Variants in DNAH14 observed in about 807,000 individuals in gnomAD.
The protein encoded by DNAH14 is dynein axonemal heavy chain 14.
A neutral mutation model predicts 520.9 loss-of-function variants in DNAH14; 478 were observed. The ratio of observed to expected loss-of-function variants is 0.92; its 90% CI spans 0.85 to 0.99. DNAH14 has a LOEUF of 0.99. Ranked by LOEUF, DNAH14 falls within the 50% of genes least tolerant of loss-of-function variation. DNAH14 has a pLI of 0.00. For missense variants in DNAH14, 4,831 were observed against 5,234.5 expected, an observed-to-expected ratio of 0.92 and a Z score of 2.38; for synonymous variants, 1,581 against 1,757.2, an observed-to-expected ratio of 0.90 and a Z score of 2.51.
chr1:225,002,149 C>G (rs769938751), intron 8 of DNAH14, among the ~76,000 whole-genome samples: 17 of 152,140 alleles, frequency 1.1e-4, no homozygotes, highest in South Asian at 4.1e-4. Flanking sequence ...TCTCCACACA[C>G]TGTTGCACAG....
chr1:225,322,368 C>T (rs1423644910), intron 61 of DNAH14, among the ~76,000 whole-genome samples: 1 of 152,106 alleles, frequency 6.6e-6, no homozygotes, highest in Non-Finnish European at 1.5e-5. Flanking sequence ...GGATTACAGG[C>T]ATGAGCCACC....
chr1:225,298,765 G>A (rs550992314), intron 55 of DNAH14, among the ~76,000 whole-genome samples: 1 of 152,306 alleles, frequency 6.6e-6, no homozygotes, highest in Admixed American at 6.5e-5. Flanking sequence ...GAGCAATGCA[G>A]CTGCATGAAT....
chr1:225,051,665 G>T lies in DNAH14; in HGVS notation c.2294G>T (p.Arg765Leu). Residue 765 changes from arginine (R) to leucine (L), a missense_variant, in exon 17 of 86, where the codon CGT becomes CTT. Arg to Leu is a moderately radical substitution (Grantham distance 102). Coordinates refer to ENST00000682510, the MANE Select transcript of DNAH14 (RefSeq NM_001367479.1). ...ATTGTGAATATGGCCATTGAGAAGC[G>T]TATTGGTATTTTCAACGTTGTAAGT... ...RHIVNMAIEK[R>L]IGIFNVVSLD... 6.4e-7 allele frequency: 1 copy of T among 1,550,962 alleles called. No individual in the cohort carries two copies. Among genetic ancestry groups the T allele is most frequent in the Middle Eastern group, 1.7e-4 (1 of 5,980 alleles).
rs369428071 is a variant in DNAH14 at position 225,380,423 on chromosome 1, G to A, written c.12880+101G>A. On this transcript the variant is annotated intron_variant, in intron 80 of 85. Coordinates refer to ENST00000682510, the MANE Select transcript of DNAH14 (RefSeq NM_001367479.1). Reference sequence around the variant, plus strand: ...AAGATAAGACAAAAATTCTGTAGAAGTGAAAATACTGAGATAAGATGGAAA... The same window carrying A: ...AAGATAAGACAAAAATTCTGTAGAAATGAAAATACTGAGATAAGATGGAAA... 444 of 1,292,430 alleles carry A rather than the reference G, an allele frequency of 3.4e-4. 2 individuals carry two copies. The East Asian group carries it at 0.011, about 32-fold the overall frequency. The allele number at this position is 1,292,430 out of a possible 1,614,324, so 80.1% of individuals were successfully genotyped here. A position where few individuals can be genotyped will look rare whatever the true frequency, so the allele number is the denominator to read the frequency against.
intron 55 of DNAH14, among the ~76,000 whole-genome samples, chr1:225,290,505 C>T (rs2093843389): frequency 6.6e-6 from 1 of 151,196 alleles, no homozygotes; most frequent in Non-Finnish European, 1.5e-5. Context: ...AGCATCCAGG[C>T]TTCTGTTTCT....
intron 42 of DNAH14, among the ~76,000 whole-genome samples, chr1:225,236,721 G>C (rs1400105659): frequency 2.6e-5 from 4 of 152,144 alleles, no homozygotes; most frequent in Non-Finnish European, 4.4e-5. Flanking sequence ...GTCAATGGTA[G>C]TTTAATAGGA....
chr1:225,057,941 T>C (rs1264865355), intron 17 of DNAH14, among the ~76,000 whole-genome samples: 1 of 152,224 alleles, frequency 6.6e-6, no homozygotes, highest in Non-Finnish European at 1.5e-5. Flanking sequence ...CAGTATTTTA[T>C]TGAGGATTTT....
intron 84 of DNAH14, among the ~76,000 whole-genome samples, chr1:225,392,767 A>T (rs1367837228): frequency 6.6e-6 from 1 of 152,228 alleles, no homozygotes; most frequent in African/African-American, 2.4e-5. Flanking sequence ...TGATATTTTA[A>T]ATCAGTGGGC....
In DNAH14 at chr1:225,043,076, C is replaced by A. The variant is rs1349505620; in HGVS notation, c.1730C>A (p.Ser577Ter). 2 of 1,550,898 alleles carry A rather than the reference C, an allele frequency of 1.3e-6. No homozygotes were observed. Among genetic ancestry groups the A allele is most frequent in the Admixed American group, 3.9e-5 (2 of 50,860 alleles). ...GAATTGCTCCCAAAAGCCAAGAAAT[C>A]AAAAGAAATTAGTTACAATCTTGAA... ...SEELLPKAKK[S>*]KEISYNLEDI... Residue 577 changes from serine to a stop codon, truncating the protein, a stop_gained, in exon 13 of 86, where the codon TCA (serine) becomes TAA (stop). Coordinates refer to ENST00000682510, the MANE Select transcript of DNAH14 (RefSeq NM_001367479.1). LOFTEE classifies it high-confidence loss of function.
chr1:225,134,342 G>A (rs1348342518), intron 27 of DNAH14, among the ~76,000 whole-genome samples: 1 of 152,108 alleles, frequency 6.6e-6, no homozygotes, highest in Non-Finnish European at 1.5e-5. Flanking sequence ...TTCCCATTTA[G>A]TATGATATTG....
intron 17 of DNAH14, among the ~76,000 whole-genome samples, chr1:225,057,819 G>A (rs558826120): frequency 1.3e-5 from 2 of 152,286 alleles, no homozygotes; most frequent in East Asian, 3.9e-4. Flanking sequence ...CTGTTTATAT[G>A]CTGGATTACG....
At position 225,231,065 on chromosome 1, in the gene DNAH14, T is replaced by C. The variant is rs1380333998; in HGVS notation, c.6440-8T>C. On this transcript the variant is annotated splice_polypyrimidine_tract_variant and splice_region_variant and intron_variant, in intron 41 of 85. Coordinates refer to ENST00000682510, the MANE Select transcript of DNAH14 (RefSeq NM_001367479.1). Reference sequence around the variant, plus strand: ...TTAATTATGGAAAAATACTCTTTCCTTTTTAAGGTGATGATTTGAATGACA... The same window carrying C: ...TTAATTATGGAAAAATACTCTTTCCCTTTTAAGGTGATGATTTGAATGACA... The C allele has an allele frequency of 6.5e-7, 1 of 1,543,558 alleles. No homozygotes were observed. The highest frequency in any genetic ancestry group is 2.0e-5 in the Admixed American group (1 of 49,784).
Position 225,381,438 on chromosome 1 carries a change from ACG to A in DNAH14, c.12937_12938del (p.Arg4313IlefsTer2). ...TAACCTTTTTGAAGCAAGAAATTAA[ACG>A]ATTTGATAAGTTATTATTTGTCATA... The part of the protein sequence containing the change: ...LLTFLKQEIK[R>X]FDKLLFVIHK... On this transcript the variant is annotated frameshift_variant, in exon 81 of 86. Transcript: ENST00000682510. LOFTEE classifies it high-confidence loss of function. 6.4e-7 allele frequency: 1 copy of A among 1,550,564 alleles called. No homozygotes were observed. The highest frequency in any genetic ancestry group is 1.2e-5 in the South Asian group (1 of 83,538).
At chr1:225,327,218 C>T (rs2094692964) in intron 64 of DNAH14, among the ~76,000 whole-genome samples, 1 of 151,370 alleles carries the variant, frequency 6.6e-6, no homozygotes, top group African/African-American at 2.4e-5. Flanking sequence ...AGTGCAGAGG[C>T]GCGATCTCGG....
chr1:225,282,847 A>G (rs930144868), intron 54 of DNAH14, among the ~76,000 whole-genome samples: 2 of 152,186 alleles, frequency 1.3e-5, no homozygotes, highest in African/African-American at 2.4e-5. Flanking sequence ...TCTTCAGTGA[A>G]TCATCCATTC....
chr1:225,024,372 A>G (rs2065935755), intron 11 of DNAH14: 2 of 507,374 alleles, frequency 3.9e-6, no homozygotes, highest in South Asian at 1.7e-4. Context: ...TTTACCTTCT[A>G]AACACTACTG....
chr1:225,329,543 A>G (rs188394484), intron 64 of DNAH14, among the ~76,000 whole-genome samples: 48 of 152,316 alleles, frequency 3.2e-4, no homozygotes, highest in Non-Finnish European at 6.2e-4. Flanking sequence ...TGATAATTTA[A>G]GAAAATTATT....
intron 29 of DNAH14, 29 bp downstream of exon 29, chr1:225,144,657 AC>A (rs368533614): frequency 3.3e-6 from 5 of 1,509,350 alleles, no homozygotes; most frequent in Non-Finnish European, 3.6e-6. Context: ...CAGAATAAAA[AC>A]TTTTTTCTTT....
chr1:225,377,313 T>C lies in DNAH14; in HGVS notation c.12593T>C (p.Leu4198Pro), dbSNP rs3856154. 982,424 of 1,548,846 alleles carry C rather than the reference T, an allele frequency of 0.63. 317,763 individuals carry two copies. The highest frequency in any genetic ancestry group is 0.78 in the East Asian group (31,736 of 40,792). ...HIIQSLPDDD[L>P]PEVLGIHPEA... ...ATCCAGTCCTTACCTGATGATGACC[T>C]TCCCGAGGTCTTAGGAATACACCCA... Residue 4198 changes from leucine (L) to proline (P), a missense_variant, in exon 79 of 86, where the codon CTT becomes CCT. Leu to Pro is a moderately conservative substitution (Grantham distance 98, BLOSUM62 -3). Transcript: ENST00000682510.
Sources: allele counts gnomAD v4.1 joint callset (sites outside exome capture counted in the v4.1 genomes callset), GRCh38; gene constraint gnomAD v4.1.1; transcripts MANE v1.5; gene names NCBI Gene and HGNC (gene_info 2026-07-23, HGNC 2026-07-21).